CPS1: variants seen among roughly 807,000 people sequenced by gnomAD.
The protein encoded by CPS1 is carbamoyl-phosphate synthase 1.
A neutral mutation model predicts 174.6 loss-of-function variants in CPS1; 109 were observed. That is an observed-to-expected ratio of 0.62 (90% confidence interval 0.53 to 0.73). CPS1 has a LOEUF of 0.73. Ranked by LOEUF, CPS1 falls within the 30% of genes least tolerant of loss-of-function variation. CPS1 has a pLI of 0.00. For missense variants in CPS1, 1,689 were observed against 1,821.9 expected, an observed-to-expected ratio of 0.93 and a Z score of 1.33; for synonymous variants, 637 against 632.0, an observed-to-expected ratio of 1.01 and a Z score of -0.12.
intron 1 of CPS1, among the ~76,000 whole-genome samples, chr2:210,543,181 G>T (rs560877334): frequency 6.6e-6 from 1 of 152,306 alleles, no homozygotes; most frequent in African/African-American, 2.4e-5. Context: ...AGCTTCCTAT[G>T]TGGGCTCACG....
rs545306437 is a variant in CPS1 at position 210,666,652 on chromosome 2, T to C, written c.4003-1534T>C. 9.6e-4 allele frequency among the ~76,000 whole-genome samples: 146 copies of C among 152,272 alleles called. 2 individuals are homozygous for C. The highest frequency in any genetic ancestry group is 1.8e-4 in the Non-Finnish European group (12 of 68,026). On this transcript the variant is annotated intron_variant, in intron 33 of 37. Coordinates refer to ENST00000233072, the MANE Select transcript of CPS1 (RefSeq NM_001875.5). ...AGATAGTTGTAGATATGCGGCGTTATTTCTGAGGGCTCTGTTCCGTTCTAT... is the reference window on the plus strand; with the variant it reads ...AGATAGTTGTAGATATGCGGCGTTACTTCTGAGGGCTCTGTTCCGTTCTAT...
intron 1 of CPS1, among the ~76,000 whole-genome samples, chr2:210,498,530 A>C (rs899843918): frequency 6.6e-6 from 1 of 152,126 alleles, no homozygotes; most frequent in African/African-American, 2.4e-5. Flanking sequence ...TTACAAAGTT[A>C]TTTATCAGTT....
chr2:210,584,349 G>C (rs1698032354), intron 6 of CPS1, among the ~76,000 whole-genome samples: 1 of 152,054 alleles, frequency 6.6e-6, no homozygotes, highest in Non-Finnish European at 1.5e-5. Context: ...TGTGGCAATG[G>C]AATTTCTCAG....
intron 34 of CPS1, chr2:210,674,311 T>A (rs1259200931): frequency 6.6e-6 from 1 of 152,366 alleles, no homozygotes; most frequent in African/African-American, 2.4e-5. Context: ...CTGTCTCTAC[T>A]AAAAATACAA....
At position 210,648,426 on chromosome 2, in the gene CPS1, ATATTT is replaced by A. The variant is rs775391164; in HGVS notation, c.3337-44_3337-40del. On this transcript the variant is annotated intron_variant, in intron 26 of 37. Coordinates refer to ENST00000233072, the MANE Select transcript of CPS1 (RefSeq NM_001875.5). ...ATGATACATTCTGTAATTTTATTGC[ATATTT>A]TAAACTACTCATACATTTTTATTGT... The A allele has an allele frequency of 6.2e-6, 9 of 1,461,038 alleles. No individual in the cohort carries two copies. The South Asian group carries it at 6.8e-5, about 11-fold the overall frequency. 90.5% of individuals were successfully genotyped at this position (1,461,038 alleles called of 1,614,324 possible). A position where few individuals can be genotyped will look rare whatever the true frequency, so the allele number is the denominator to read the frequency against.
chr2:210,570,402 G>C (rs1287858470), intron 1 of CPS1, among the ~76,000 whole-genome samples: 1 of 151,882 alleles, frequency 6.6e-6, no homozygotes, highest in Non-Finnish European at 1.5e-5. Flanking sequence ...CAGAATTGTA[G>C]GAATAGGCTC....
At chr2:210,648,765 T>G (rs1285044323) in intron 27 of CPS1, among the ~76,000 whole-genome samples, 1 of 152,184 alleles carries the variant, frequency 6.6e-6, no homozygotes, top group Admixed American at 6.5e-5. Context: ...CATCTAGAAG[T>G]GTAGTGTAAG....
chr2:210,668,264 G>T lies in CPS1; in HGVS notation c.4081G>T (p.Gly1361Cys), dbSNP rs376775506. 1.7e-5 allele frequency: 28 copies of T among 1,613,570 alleles called. No individual in the cohort carries two copies. The highest frequency in any genetic ancestry group is 2.1e-5 in the Non-Finnish European group (25 of 1,179,688). ...CACAGGATTTAAGATACCCCAGAAAGGCATCCTGATAGGCATCCAGGTAAG... is the reference window on the plus strand; with the variant it reads ...CACAGGATTTAAGATACCCCAGAAATGCATCCTGATAGGCATCCAGGTAAG... ...LSTGFKIPQK[G>C]ILIGIQQSFR... Residue 1361 changes from glycine to cysteine, a missense_variant, in exon 34 of 38, where the codon GGC (glycine) becomes TGC (cysteine). Transcript: ENST00000233072.
At chr2:210,517,269 A>G (rs926552591) in intron 1 of CPS1, among the ~76,000 whole-genome samples, 2 of 152,114 alleles carry the variant, frequency 1.3e-5, no homozygotes, top group East Asian at 1.9e-4. Context: ...TCAAAGACTA[A>G]TATACTTTAT....
chr2:210,618,110 A>G (rs1488997655), intron 21 of CPS1: 2 of 152,094 alleles, frequency 1.3e-5, no homozygotes, highest in Non-Finnish European at 2.9e-5. Context: ...CTAACTAAGC[A>G]TAAATAAGGG....
At position 210,507,409 on chromosome 2, in the gene CPS1, C is replaced by G. The variant is rs1276112929; in HGVS notation, c.3+29643C>G. ...ACATGGAAAGGAACAACTGGTACCA[C>G]CCACTGCAAAAACATGCCAAATTGT... is the stretch of plus-strand genomic sequence containing the variant. On this transcript the variant is annotated intron_variant, in intron 1 of 38. Coordinates refer to the CPS1 transcript ENST00000430249. Among the ~76,000 whole-genome samples the G allele has an allele frequency of 2.6e-5, 4 of 152,258 alleles. No individual in the cohort carries two copies. In the South Asian group the frequency reaches 6.2e-4, roughly 24 times the overall value.
intron 1 of CPS1, among the ~76,000 whole-genome samples, chr2:210,542,996 T>C (rs958016828): frequency 1.2e-4 from 18 of 152,126 alleles, no homozygotes; most frequent in Non-Finnish European, 1.5e-4. Flanking sequence ...TAAAGGAGTT[T>C]GGCACCTCAT....
rs367946834 is a variant in CPS1 at position 210,507,098 on chromosome 2, C to A, written c.3+29332C>A. Among the ~76,000 whole-genome samples, 14 of 151,992 alleles carry A rather than the reference C, an allele frequency of 9.2e-5. 1 individual carries two copies. The highest frequency in any genetic ancestry group is 4.6e-4 in the Admixed American group (7 of 15,262). On this transcript the variant is annotated intron_variant, in intron 1 of 38. Transcript: ENST00000430249. ...TGTCAGATTCACCAAAGTTGAAATG[C>A]AGGAAAAAATGTTAAGGGCAGCCAG...
intron 13 of CPS1, among the ~76,000 whole-genome samples, chr2:210,597,502 G>A (rs943187372): frequency 2.0e-5 from 3 of 151,698 alleles, no homozygotes; most frequent in Non-Finnish European, 4.4e-5. Flanking sequence ...TACATTACAA[G>A]CATTAAGTCA....
At chr2:210,535,442 C>T (rs1198901326) in intron 1 of CPS1, among the ~76,000 whole-genome samples, 2 of 152,168 alleles carry the variant, frequency 1.3e-5, no homozygotes, top group Non-Finnish European at 2.9e-5. Flanking sequence ...CATGTTTCAT[C>T]CCTTCTTTAA....
intron 6 of CPS1, 78 bp downstream of exon 6, chr2:210,582,787 A>C: frequency 8.7e-7 from 1 of 1,148,202 alleles, no homozygotes; most frequent in East Asian, 2.4e-5. Flanking sequence ...ATCTTTATTT[A>C]GGCAGAGTTT....
rs537761474 is a variant in CPS1 at position 210,573,994 on chromosome 2, A to G, written c.236+587A>G. Among the ~76,000 whole-genome samples the G allele has an allele frequency of 1.2e-4, 19 of 152,052 alleles. No individual in the cohort carries two copies. The South Asian group carries it at 3.7e-3, about 30-fold the overall frequency. On this transcript the variant is annotated intron_variant, in intron 2 of 37. Coordinates refer to ENST00000233072, the MANE Select transcript of CPS1 (RefSeq NM_001875.5). Reference sequence around the variant, plus strand: ...ACTGTGACCTGCCTTAGTATTTAAGACCTGCTAACATGTACAGCAATGAAA... The same window carrying G: ...ACTGTGACCTGCCTTAGTATTTAAGGCCTGCTAACATGTACAGCAATGAAA...
At chr2:210,498,899 C>A (rs1695072683) in intron 1 of CPS1, among the ~76,000 whole-genome samples, 2 of 152,056 alleles carry the variant, frequency 1.3e-5, no homozygotes, top group African/African-American at 4.8e-5. Flanking sequence ...TGGAGATATG[C>A]CTGTGCATGG....
rs931722052 is a variant in CPS1 at position 210,513,160 on chromosome 2, A to G, written c.3+35394A>G. ...GATATATATATGGGGAGATATATAT[A>G]TATGTATGGATATATATATATATCT... On this transcript the variant is annotated intron_variant, in intron 1 of 38. Transcript: ENST00000430249. 5.5e-5 allele frequency among the ~76,000 whole-genome samples: 8 copies of G among 146,576 alleles called. 1 individual carries two copies. The highest frequency in any genetic ancestry group is 1.5e-4 in the African/African-American group (6 of 40,046).
Sources: allele counts gnomAD v4.1 joint callset (sites outside exome capture counted in the v4.1 genomes callset), GRCh38; gene constraint gnomAD v4.1.1; transcripts MANE v1.5; gene names NCBI Gene and HGNC (gene_info 2026-07-23, HGNC 2026-07-21).